RFFL: variants seen among roughly 807,000 people sequenced by gnomAD.
The protein encoded by RFFL is ring finger and FYVE like domain containing E3 ubiquitin protein ligase, also known as E3 ubiquitin-protein ligase rififylin.
In RFFL, 16 loss-of-function variants were observed where a neutral mutation model predicts 40.4. That is an observed-to-expected ratio of 0.40 (90% CI 0.27 to 0.60). The LOEUF (loss-of-function observed/expected upper bound fraction) is 0.60. Among genes scored for constraint, RFFL ranks in the 20% least tolerant of loss-of-function variants. The pLI, the probability that RFFL is intolerant of heterozygous loss-of-function variation, is 0.47. For synonymous variants in RFFL, 154 were observed against 167.9 expected (o/e 0.92, Z 0.64); for missense variants, 367 against 451.7 (o/e 0.81, Z 1.70).
At chr17:35,084,072 C>A (rs1470453273) in intron 1 of RFFL, among the ~76,000 whole-genome samples, 1 of 151,980 alleles carries the variant, frequency 6.6e-6, no homozygotes, top group Non-Finnish European at 1.5e-5. Flanking sequence ...AACCCTGCCT[C>A]TGCTAAAAAC....
chr17:35,025,002 T>C (rs1282924967), intron 2 of RFFL, among the ~76,000 whole-genome samples: 1 of 152,222 alleles, frequency 6.6e-6, no homozygotes, highest in Non-Finnish European at 1.5e-5. Context: ...GAAGCTCTTG[T>C]TACACACACT....
At chr17:35,067,750 C>T (rs188101514), upstream of RFFL, among the ~76,000 whole-genome samples, 3 of 152,086 alleles carry the variant, frequency 2.0e-5, no homozygotes, top group East Asian at 1.9e-4. Flanking sequence ...CCACTGCGCC[C>T]GGCCTTCCAA....
chr17:35,087,882 C>G (rs996503880), intron 1 of RFFL, among the ~76,000 whole-genome samples: 3 of 152,188 alleles, frequency 2.0e-5, no homozygotes, highest in Non-Finnish European at 2.9e-5. Flanking sequence ...AAGAAGTTGT[C>G]AAACCTGAAA....
chr17:35,048,541 T>A (rs1272036443), intron 1 of RFFL, among the ~76,000 whole-genome samples: 1 of 152,174 alleles, frequency 6.6e-6, no homozygotes, highest in East Asian at 1.9e-4. Context: ...AATTATATAA[T>A]CCCTTGAAAA....
At chr17:35,043,351 G>A (rs769614625) in intron 1 of RFFL, among the ~76,000 whole-genome samples, 20 of 152,122 alleles carry the variant, frequency 1.3e-4, no homozygotes, top group Admixed American at 4.6e-4. Context: ...GTATAAAGGG[G>A]GATCATAACT....
At chr17:35,053,207 A>G (rs1023148242) in intron 1 of RFFL, among the ~76,000 whole-genome samples, 2 of 152,234 alleles carry the variant, frequency 1.3e-5, no homozygotes, top group African/African-American at 4.8e-5. Context: ...AGATAATAAA[A>G]TCAACACAAA....
rs1429463857 is a variant in RFFL, at chr17:35,009,199, G to T, written c.*2769C>A. 1 of 152,622 alleles carries T rather than the reference G, an allele frequency of 6.6e-6. No individual in the cohort carries two copies. Among genetic ancestry groups the T allele is most frequent in the Non-Finnish European group, 1.5e-5 (1 of 68,032 alleles). 9.5% of individuals were successfully genotyped at this position (152,622 alleles called of 1,614,324 possible). Reference sequence around the variant, plus strand: ...CATTTGGGTTTGCTTTAACCTCCAAGTAAGTCTGAGAAAATCTTAATAAAA... The same window carrying T: ...CATTTGGGTTTGCTTTAACCTCCAATTAAGTCTGAGAAAATCTTAATAAAA... On this transcript the variant is annotated 3_prime_UTR_variant, in exon 7 of 7. Transcript: ENST00000394597.
In RFFL at chr17:35,026,493, G is replaced by C; in HGVS notation, c.61C>G (p.Pro21Ala). Residue 21 changes from proline to alanine, a missense_variant, in exon 2 of 7, where the codon CCC becomes GCC. Transcript: ENST00000394597. ...TAGGCCTGCATCCTGGCTCCCTGGG[G>C]TGGTGGGACCTCCTCAGGCTGTCCA... ...LDGQPEEVPP[P>A]QGARMQAYSN... The C allele has an allele frequency of 6.2e-7, 1 of 1,612,258 alleles. No individual in the cohort carries two copies. The highest frequency in any genetic ancestry group is 8.5e-7 in the Non-Finnish European group (1 of 1,179,438).
At chr17:35,044,048 T>G (rs958855738) in intron 1 of RFFL, among the ~76,000 whole-genome samples, 1 of 152,162 alleles carries the variant, frequency 6.6e-6, no homozygotes, top group Non-Finnish European at 1.5e-5. Context: ...TTGCTCCAGT[T>G]GAGATTTTTC....
At chr17:35,057,334 C>T (rs999855593) in intron 1 of RFFL, among the ~76,000 whole-genome samples, 1 of 152,042 alleles carries the variant, frequency 6.6e-6, no homozygotes, top group African/African-American at 2.4e-5. Flanking sequence ...ACTTCACTCA[C>T]CTTGCTCTGT....
At chr17:35,013,396 A>C (rs2090952638) in intron 6 of RFFL, among the ~76,000 whole-genome samples, 1 of 152,260 alleles carries the variant, frequency 6.6e-6, no homozygotes, top group Admixed American at 6.5e-5. Context: ...TGACCCAAAC[A>C]GAAAAAATAA....
intron 1 of RFFL, among the ~76,000 whole-genome samples, chr17:35,041,978 G>A (rs1342947331): frequency 6.6e-6 from 1 of 152,122 alleles, no homozygotes; most frequent in Non-Finnish European, 1.5e-5. Context: ...TCACACCACT[G>A]CACTCCAGCC....
chr17:35,079,679 T>C (rs987521786), intron 1 of RFFL, among the ~76,000 whole-genome samples: 9 of 152,164 alleles, frequency 5.9e-5, no homozygotes, highest in Non-Finnish European at 1.2e-4. Context: ...ATTTCAGAGT[T>C]GGGAAACACT....
intron 1 of RFFL, chr17:35,069,303 T>A (rs1346429712): frequency 2.2e-6 from 1 of 456,620 alleles, no homozygotes; most frequent in Non-Finnish European, 4.4e-6. Flanking sequence ...CCTTTGTTCA[T>A]GTCCCCAAGT....
At chr17:35,068,706 C>T (rs2091332757), upstream of RFFL, among the ~76,000 whole-genome samples, 1 of 152,134 alleles carries the variant, frequency 6.6e-6, no homozygotes, top group Non-Finnish European at 1.5e-5. Context: ...ATACTAGGTT[C>T]CTGTATGTCA....
In RFFL at chr17:35,017,550, G is replaced by A. The variant is rs758100620; in HGVS notation, c.648C>T (p.Ala216=). ...GGGTCTCATCCTCAGCAGGTACTCT[G>A]GCCACGCTCTCCAGGTAGACGGGTT... ...QEEPVYLESV[A]RVPAEDETQS... Residue 216 remains alanine, a synonymous_variant, in exon 4 of 7, where the codon GCC becomes GCT. Transcript: ENST00000394597. 1 of 1,611,276 alleles carries A rather than the reference G, an allele frequency of 6.2e-7. No individual in the cohort carries two copies. The highest frequency in any genetic ancestry group is 8.5e-7 in the Non-Finnish European group (1 of 1,178,650).
intron 1 of RFFL, among the ~76,000 whole-genome samples, chr17:35,053,636 T>G (rs564563611): frequency 5.9e-5 from 9 of 152,202 alleles, no homozygotes; most frequent in Non-Finnish European, 1.0e-4. Context: ...TAATTGTACC[T>G]ACTTTGCAGG....
chr17:35,050,043 T>C (rs1267558269), intron 1 of RFFL, among the ~76,000 whole-genome samples: 2 of 150,882 alleles, frequency 1.3e-5, no homozygotes, highest in East Asian at 2.0e-4. Flanking sequence ...GATCACGCCA[T>C]TGCACTCCAG....
At chr17:35,052,874 G>A (rs2091239779) in intron 1 of RFFL, among the ~76,000 whole-genome samples, 1 of 152,216 alleles carries the variant, frequency 6.6e-6, no homozygotes, top group Admixed American at 6.5e-5. Flanking sequence ...TCTCTGCTAT[G>A]AGACTCAGGA....
Sources: gnomAD v4.1 joint callset for allele counts (sites outside exome capture counted in the v4.1 genomes callset) on GRCh38, gnomAD v4.1.1 for gene constraint, MANE v1.5 for transcripts, NCBI Gene and HGNC (gene_info 2026-07-23, HGNC 2026-07-21) for gene names.